Variants in GPM6B observed in about 807,000 individuals in gnomAD.
GPM6B encodes the protein neuronal membrane glycoprotein M6-b.
Under a neutral mutation model 27.2 loss-of-function variants are expected in GPM6B, and 4 were observed. That is an observed-to-expected ratio of 0.15 (90% CI 0.07 to 0.34). GPM6B has a LOEUF of 0.34. Ranked by LOEUF, GPM6B falls within the 10% of genes least tolerant of loss-of-function variation. The pLI is 1.00. For synonymous variants in GPM6B, 124 were observed against 103.1 expected (o/e 1.20, Z -1.23); for missense variants, 183 against 261.9 (o/e 0.70, Z 2.08).
chrX:13,794,936 T>A (rs953763387), intron 2 of GPM6B, among the ~76,000 whole-genome samples: 1 of 111,918 alleles, frequency 8.9e-6, no homozygotes. Flanking sequence ...CTTGAAAGAA[T>A]GCCTGACAAG....
At chrX:13,898,754 G>A (rs1170740638) in intron 1 of GPM6B, among the ~76,000 whole-genome samples, 1 of 111,714 alleles carries the variant, frequency 9.0e-6, no homozygotes, top group Admixed American at 9.5e-5. Context: ...CTGGAAGAAG[G>A]GAAATCATGT....
chrX:13,831,227 A>AC (rs1207294856), intron 1 of GPM6B, among the ~76,000 whole-genome samples: 4 of 86,628 alleles, frequency 4.6e-5, no homozygotes, highest in Admixed American at 1.2e-4. Context: ...CACACACACA[A>AC]ATGGCTTGGG....
At chrX:13,888,243 A>C (rs1164708746) in intron 1 of GPM6B, among the ~76,000 whole-genome samples, 1 of 112,529 alleles carries the variant, frequency 8.9e-6, no homozygotes, top group Middle Eastern at 4.2e-3. Context: ...TTTGGTTAAC[A>C]AGCTTGGTAT....
At chrX:13,848,275 G>T (rs1344985368) in intron 1 of GPM6B, among the ~76,000 whole-genome samples, 1 of 111,750 alleles carries the variant, frequency 8.9e-6, no homozygotes, top group Non-Finnish European at 1.9e-5. Context: ...TGGTTGGGAT[G>T]ATGCTGCAGC....
chrX:13,871,248 A>G (rs754774687), intron 1 of GPM6B, among the ~76,000 whole-genome samples: 26 of 111,986 alleles, frequency 2.3e-4, no homozygotes, highest in African/African-American at 6.2e-4. Context: ...CCCAGTGGCT[A>G]ACTGACTTGT....
At chrX:13,865,296 C>T (rs2049896790) in intron 1 of GPM6B, among the ~76,000 whole-genome samples, 1 of 109,911 alleles carries the variant, frequency 9.1e-6, no homozygotes, top group African/African-American at 3.3e-5. Flanking sequence ...AACTCACTAG[C>T]TCACAAGGTG....
rs748346272 is a variant in GPM6B, at chrX:13,772,987, T to C, written c.881A>G (p.Lys294Arg). ...GTAAGCCTGCATTTTGCTCGCATCC[T>C]TTAAGTAAGCCCAGTTAGAAGACAG... ...MILSSNWAYLKDASKMQAYQD... is the reference protein window; with the variant it reads ...MILSSNWAYLRDASKMQAYQD... Residue 294 changes from lysine to arginine, a missense_variant, in exon 8 of 8, where the codon AAG (lysine) becomes AGG (arginine). Lys to Arg is a conservative substitution (Grantham distance 26). Coordinates refer to ENST00000316715, the MANE Select transcript of GPM6B (RefSeq NM_001001995.3). The C allele has an allele frequency of 8.3e-7, 1 of 1,210,646 alleles. No homozygotes were observed. The highest frequency in any genetic ancestry group is 1.1e-6 in the Non-Finnish European group (1 of 894,330).
intron 1 of GPM6B, among the ~76,000 whole-genome samples, chrX:13,873,409 C>A (rs962913623): frequency 1.8e-5 from 2 of 111,111 alleles, no homozygotes; most frequent in Non-Finnish European, 3.8e-5. Flanking sequence ...AGGGGCTTAT[C>A]TCCATGTCTC....
intron 1 of GPM6B, among the ~76,000 whole-genome samples, chrX:13,808,314 T>C (rs895207101): frequency 2.9e-4 from 32 of 111,933 alleles, no homozygotes; most frequent in African/African-American, 1.0e-3. Flanking sequence ...AACGTCAGAG[T>C]CTAGAATGTT....
At chrX:13,793,760 G>A (rs935502356) in intron 2 of GPM6B, among the ~76,000 whole-genome samples, 12 of 111,096 alleles carry the variant, frequency 1.1e-4, no homozygotes, top group Non-Finnish European at 1.5e-4. Flanking sequence ...TATTGGGGAC[G>A]GGACTCAGGA....
At chrX:13,788,536 C>T (rs749652888) in intron 2 of GPM6B, among the ~76,000 whole-genome samples, 1 of 109,093 alleles carries the variant, frequency 9.2e-6, no homozygotes, top group Non-Finnish European at 1.9e-5. Context: ...CATTAATTCT[C>T]TGTGTGTATA....
chrX:13,875,536 C>T (rs774448159), intron 1 of GPM6B, among the ~76,000 whole-genome samples: 2 of 111,858 alleles, frequency 1.8e-5, no homozygotes, highest in African/African-American at 6.5e-5. Flanking sequence ...CATACCCAAA[C>T]GAATTGAAAA....
intron 1 of GPM6B, among the ~76,000 whole-genome samples, chrX:13,916,663 A>ATGTGTGTGTGTGTGTGTG (rs55844856): frequency 3.3e-5 from 3 of 90,158 alleles, no homozygotes; most frequent in South Asian, 5.9e-4. Context: ...TAGTTTATTA[A>ATGTGTGTGTGTGTGTGTG]TGTGTGTGTG....
chrX:13,935,551 C>A (rs1184721123), intron 1 of GPM6B, among the ~76,000 whole-genome samples: 1 of 111,191 alleles, frequency 9.0e-6, no homozygotes, highest in East Asian at 2.8e-4. Flanking sequence ...CAATTATAGG[C>A]AAAGAAACAA....
chrX:13,885,816 C>T (rs774992484), intron 1 of GPM6B, among the ~76,000 whole-genome samples: 1 of 111,615 alleles, frequency 9.0e-6, no homozygotes, highest in Non-Finnish European at 1.9e-5. Flanking sequence ...CAAGAATGAG[C>T]GGAGAAGCAA....
intron 1 of GPM6B, among the ~76,000 whole-genome samples, chrX:13,918,267 T>C (rs1280600351): frequency 8.9e-6 from 1 of 112,873 alleles, no homozygotes; most frequent in Admixed American, 9.4e-5. Context: ...ACAACGACAG[T>C]TGGGAAGCTG....
At chrX:13,860,520 G>A (rs780320411) in intron 1 of GPM6B, among the ~76,000 whole-genome samples, 3 of 106,535 alleles carry the variant, frequency 2.8e-5, no homozygotes, top group South Asian at 4.3e-4. Context: ...CCTTATTCTC[G>A]AGGATTATCA....
Position 13,772,787 on chromosome X carries a change from T to G in GPM6B, c.*94A>C. On this transcript the variant is annotated 3_prime_UTR_variant, in exon 8 of 8. Transcript: ENST00000316715. ...ACAGTGAAGTGTTTGTACATCTACA[T>G]TAGTTTGGTGGGATACACATCTGTA... 6.1e-6 allele frequency: 5 copies of G among 814,865 alleles called. No homozygotes were observed. The highest frequency in any genetic ancestry group is 8.9e-6 in the Non-Finnish European group (5 of 561,753). The allele number at this position is 814,865 out of a possible 1,213,427, so 67.2% of individuals were successfully genotyped here.
intron 7 of GPM6B, chrX:13,774,718 C>T (rs2048377112): frequency 1.6e-6 from 1 of 642,785 alleles, no homozygotes; most frequent in Admixed American, 2.5e-5. Context: ...GGTGCCTGCT[C>T]ATAGTCTAAG....
Sources: gnomAD v4.1 joint callset for allele counts (sites outside exome capture counted in the v4.1 genomes callset) on GRCh38, gnomAD v4.1.1 for gene constraint, MANE v1.5 for transcripts, NCBI Gene and HGNC (gene_info 2026-07-23, HGNC 2026-07-21) for gene names.